The following TM4SF5 variants were observed in gnomAD, a reference collection of about 807,000 sequenced individuals.
TM4SF5 encodes the protein transmembrane 4 L six family member 5.
Under a neutral mutation model 22.3 loss-of-function variants are expected in TM4SF5, and 16 were observed. The ratio of observed to expected loss-of-function variants is 0.72; its 90% CI spans 0.49 to 1.09. TM4SF5 has a LOEUF of 1.09. Ranked by LOEUF, TM4SF5 falls within the 50% of genes least tolerant of loss-of-function variation. The probability of loss-of-function intolerance (pLI) is 0.00; values close to 1 mark genes in which losing one functional copy is unlikely to be tolerated. For missense variants in TM4SF5, 249 were observed against 266.1 expected (o/e 0.94, Z 0.45); for synonymous variants, 113 against 109.6 (o/e 1.03, Z -0.19).
chr17:4,773,624 T>G (rs1917156731), intron 1 of TM4SF5, among the ~76,000 whole-genome samples: 1 of 151,962 alleles, frequency 6.6e-6, no homozygotes, highest in Non-Finnish European at 1.5e-5. Flanking sequence ...TAACCAACAA[T>G]CCCCTCTTAC....
At position 4,782,532 on chromosome 17, in the gene TM4SF5, C is replaced by T. The variant is rs901516502; in HGVS notation, c.288C>T (p.Phe96=). The T allele has an allele frequency of 1.2e-6, 2 of 1,613,682 alleles. No individual in the cohort carries two copies. Among genetic ancestry groups the T allele is most frequent in the Non-Finnish European group, 1.7e-6 (2 of 1,179,972 alleles). The change falls in exon 3 of 5, where the codon TTC becomes TTT. Residue 96 remains phenylalanine, a synonymous_variant. Coordinates refer to ENST00000270560, the MANE Select transcript of TM4SF5 (RefSeq NM_003963.3). ...TGCGCTCGGTCTTCTCCTCGGCGTT[C>T]GGGGTGCTTGGTGCCATCTACTGCC... ...RMLRSVFSSA[F]GVLGAIYCLS... is the part of the protein sequence containing the mutation.
At chr17:4,782,428 T>C in intron 2 of TM4SF5, 75 bp from the exon 3 acceptor site, 2 of 1,565,114 alleles carry the variant, frequency 1.3e-6, no homozygotes, top group Non-Finnish European at 1.7e-6. Context: ...CGATAATGCG[T>C]GGGGGCTGGC....
Position 4,771,999 on chromosome 17 carries a change from C to A in TM4SF5, c.77C>A (p.Ala26Asp), listed in dbSNP as rs1293565794. 1 of 1,614,070 alleles carries A rather than the reference C, an allele frequency of 6.2e-7. No individual in the cohort carries two copies. The highest frequency in any genetic ancestry group is 8.5e-7 in the Non-Finnish European group (1 of 1,180,028). Reference sequence around the variant, plus strand: ...TGCCTCGTCTGCATTGTGGCCAACGCCCTCCTGCTGGTACCTAATGGGGAG... The same window carrying A: ...TGCCTCGTCTGCATTGTGGCCAACGACCTCCTGCTGGTACCTAATGGGGAG... ...TLCLVCIVAN[A>D]LLLVPNGETS... Residue 26 changes from alanine (A) to aspartate (D), a missense_variant, in exon 1 of 5, where the codon GCC becomes GAC. Ala to Asp is a moderately radical substitution (Grantham distance 126, BLOSUM62 -2). Transcript: ENST00000270560.
intron 1 of TM4SF5, among the ~76,000 whole-genome samples, chr17:4,776,432 G>A (rs1028180821): frequency 1.3e-5 from 2 of 152,074 alleles, no homozygotes; most frequent in Admixed American, 1.3e-4. Flanking sequence ...CTCCTGAGTA[G>A]CTGGGATTAC....
intron 2 of TM4SF5, among the ~76,000 whole-genome samples, 200 bp downstream of exon 2, chr17:4,781,069 AC>A (rs1294848972): frequency 5.3e-5 from 8 of 149,776 alleles, no homozygotes; most frequent in Admixed American, 4.7e-4. Flanking sequence ...AATCTCGGCT[AC>A]TTGGGAGGCT....
chr17:4,783,146 G>A lies in TM4SF5; in HGVS notation c.*18G>A. 6.2e-7 allele frequency: 1 copy of A among 1,610,184 alleles called. No homozygotes were observed. The highest frequency in any genetic ancestry group is 1.7e-5 in the Admixed American group (1 of 59,618). ...CTCACTGAGGCTCCACTGACCGCCG[G>A]GTTACACCTGCTCCTTCCTGGACGC... On this transcript the variant is annotated 3_prime_UTR_variant, in exon 5 of 5. Coordinates refer to ENST00000270560, the MANE Select transcript of TM4SF5 (RefSeq NM_003963.3).
chr17:4,780,944 C>A, intron 2 of TM4SF5, 75 bp downstream of exon 2: 1 of 1,311,200 alleles, frequency 7.6e-7, no homozygotes, highest in Admixed American at 1.9e-5. Flanking sequence ...CTTTAGCAGG[C>A]TGAGGTGGGA....
intron 1 of TM4SF5, among the ~76,000 whole-genome samples, chr17:4,774,706 C>T (rs570417274): frequency 3.1e-4 from 47 of 152,114 alleles, no homozygotes; most frequent in Admixed American, 2.9e-3. Flanking sequence ...CAGGAGTTCA[C>T]GACCAGCCTG....
At chr17:4,774,081 C>T (rs915774075) in intron 1 of TM4SF5, among the ~76,000 whole-genome samples, 4 of 152,168 alleles carry the variant, frequency 2.6e-5, no homozygotes, top group African/African-American at 9.7e-5. Flanking sequence ...ATTAGCCAGG[C>T]ATAGTGGCGG....
At chr17:4,774,113 C>T (rs568973664) in intron 1 of TM4SF5, among the ~76,000 whole-genome samples, 17 of 152,238 alleles carry the variant, frequency 1.1e-4, no homozygotes, top group Admixed American at 3.9e-4. Context: ...CCCAGCTACT[C>T]GGGAGACTGA....
Position 4,782,561 on chromosome 17 carries a change from C to T in TM4SF5, c.317C>T (p.Ser106Leu). The T allele has an allele frequency of 1.9e-6, 3 of 1,614,116 alleles. No individual in the cohort carries two copies. The highest frequency in any genetic ancestry group is 1.7e-6 in the Non-Finnish European group (2 of 1,180,006). Residue 106 changes from serine to leucine, a missense_variant, in exon 3 of 5, where the codon TCG (serine) becomes TTG (leucine). Physicochemically the swap from Ser to Leu is moderately radical, Grantham distance 145. Transcript: ENST00000270560. ...FGVLGAIYCL[S>L]VSGAGLRNGP... ...GTGCTTGGTGCCATCTACTGCCTCT[C>T]GGTGTCTGGAGCTGGGCTCCGAAAT...
intron 1 of TM4SF5, among the ~76,000 whole-genome samples, chr17:4,773,899 C>T (rs1917163240): frequency 6.6e-6 from 1 of 152,206 alleles, no homozygotes; most frequent in Non-Finnish European, 1.5e-5. Flanking sequence ...TTCCCTCCAC[C>T]TCTGTGCCCA....
chr17:4,782,698 C>T, intron 3 of TM4SF5, 59 bp downstream of exon 3: 1 of 1,603,340 alleles, frequency 6.2e-7, no homozygotes, highest in Non-Finnish European at 8.5e-7. Flanking sequence ...CCGCCCTTCC[C>T]CCGTGGACTG....
At chr17:4,777,309 C>T (rs1917226023) in intron 1 of TM4SF5, among the ~76,000 whole-genome samples, 1 of 152,080 alleles carries the variant, frequency 6.6e-6, no homozygotes, top group Non-Finnish European at 1.5e-5. Context: ...GAAATATGAG[C>T]TGATTCAGGC....
intron 1 of TM4SF5, among the ~76,000 whole-genome samples, chr17:4,778,473 G>T (rs1468969488): frequency 6.6e-6 from 1 of 152,096 alleles, no homozygotes; most frequent in Admixed American, 6.6e-5. Context: ...CAGGCATGTT[G>T]TTCCGCACCT....
At chr17:4,782,455 C>T (rs1191940206) in intron 2 of TM4SF5, 48 bp from the exon 3 acceptor site, 6 of 1,609,476 alleles carry the variant, frequency 3.7e-6, no homozygotes, top group Non-Finnish European at 5.1e-6. Context: ...CGTCGTCACC[C>T]ACAGGTGGGG....
chr17:4,772,678 CA>C (rs1321108450), intron 1 of TM4SF5, among the ~76,000 whole-genome samples: 2 of 151,466 alleles, frequency 1.3e-5, no homozygotes, highest in Non-Finnish European at 2.9e-5. Context: ...ATCTATTTGC[CA>C]GGGGCGGAGG....
At position 4,780,829 on chromosome 17, in the gene TM4SF5, A is replaced by G. The variant is rs1435190609; in HGVS notation, c.218A>G (p.Lys73Arg). The change falls in exon 2 of 5, where the codon AAG (lysine) becomes AGG (arginine). Residue 73 changes from lysine (K) to arginine (R), a missense_variant. Lys to Arg is a conservative substitution (Grantham distance 26). Coordinates refer to ENST00000270560, the MANE Select transcript of TM4SF5 (RefSeq NM_003963.3). The part of the protein sequence containing the change: ...PGIAAVRAGG[K>R]GCCGAGCCGN... ...ATTGCAGCCGTTCGGGCAGGGGGCA[A>G]GGGCTGCTGTGGTGCTGGGTGCTGT... The G allele has an allele frequency of 3.1e-6, 5 of 1,610,158 alleles. No homozygotes were observed. In the African/African-American group the frequency reaches 5.4e-5, roughly 17 times the overall value.
intron 1 of TM4SF5, among the ~76,000 whole-genome samples, chr17:4,776,601 C>G (rs536025647): frequency 6.6e-6 from 1 of 152,216 alleles, no homozygotes; most frequent in African/African-American, 2.4e-5. Flanking sequence ...TGTGCCCGGC[C>G]CATTCTACTG....
Sources: gnomAD v4.1 joint callset for allele counts (sites outside exome capture counted in the v4.1 genomes callset) on GRCh38, gnomAD v4.1.1 for gene constraint, MANE v1.5 for transcripts, NCBI Gene and HGNC (gene_info 2026-07-23, HGNC 2026-07-21) for gene names.